RBM38: variants seen among roughly 807,000 people sequenced by gnomAD.
RBM38 encodes RNA-binding protein 38.
Under a neutral mutation model 23.5 loss-of-function variants are expected in RBM38, and 11 were observed. The ratio of observed to expected loss-of-function variants is 0.47; its 90% CI spans 0.29 to 0.77. RBM38 has a LOEUF of 0.77. Among genes scored for constraint, RBM38 ranks in the 30% least tolerant of loss-of-function variants. RBM38 has a pLI of 0.08. For synonymous variants in RBM38, 165 were observed against 166.1 expected (o/e 0.99, Z 0.05); for missense variants, 330 against 351.9 (o/e 0.94, Z 0.50).
chr20:57,399,830 C>G (rs2180357), intron 3 of RBM38: 9 of 454,816 alleles, frequency 2.0e-5, no homozygotes, highest in African/African-American at 1.8e-4. Context: ...AGTCAGAACC[C>G]TAAGAGCTGC....
chr20:57,403,033 A>G (rs1392467399), intron 3 of RBM38, among the ~76,000 whole-genome samples: 3 of 152,186 alleles, frequency 2.0e-5, no homozygotes, highest in Admixed American at 2.0e-4. Flanking sequence ...TGAGCATTGT[A>G]GGAAGCGGTC....
intron 2 of RBM38, 59 bp from the exon 3 acceptor site, chr20:57,393,220 A>T: frequency 6.6e-7 from 1 of 1,518,524 alleles, no homozygotes; most frequent in Non-Finnish European, 9.1e-7. Flanking sequence ...CCCTGTGTGC[A>T]GCCCTTGAGA....
Position 57,391,553 on chromosome 20 carries a change from C to T in RBM38, c.-29C>T. 5.2e-6 allele frequency: 5 copies of T among 968,712 alleles called. No individual in the cohort carries two copies. The highest frequency in any genetic ancestry group is 3.8e-6 in the Non-Finnish European group (3 of 788,964). The allele number at this position is 968,712 out of a possible 1,614,324, so 60.0% of individuals were successfully genotyped here. ...CCCCATGAGCGCAGCCCCGCGCGGC[C>T]CGGGTCCGTAGGCGGCGGGGCGCCC... is the stretch of plus-strand genomic sequence containing the variant. On this transcript the variant is annotated 5_prime_UTR_variant, in exon 1 of 4. Coordinates refer to ENST00000356208, the MANE Select transcript of RBM38 (RefSeq NM_017495.6).
At position 57,408,163 on chromosome 20, in the gene RBM38, C is replaced by T; in HGVS notation, c.*317C>T. On this transcript the variant is annotated 3_prime_UTR_variant, in exon 4 of 4. Transcript: ENST00000356208. ...CTCCTGCCTCTCCACACTCCAGGTT[C>T]CCTCAGGCTTGTGTCCCCACTGCTG... 3 of 452,014 alleles carry T rather than the reference C, an allele frequency of 6.6e-6. No individual in the cohort carries two copies. Among genetic ancestry groups the T allele is most frequent in the Non-Finnish European group, 1.2e-5 (3 of 244,218 alleles). The allele number at this position is 452,014 out of a possible 1,614,324, so 28.0% of individuals were successfully genotyped here.
chr20:57,392,963 C>A, intron 2 of RBM38, 186 bp downstream of exon 2: 2 of 845,374 alleles, frequency 2.4e-6, no homozygotes, highest in Non-Finnish European at 3.6e-6. Flanking sequence ...CAGCGTGTGG[C>A]CCAAAGAAGG....
chr20:57,395,762 TGG>T (rs1568807219), intron 3 of RBM38, among the ~76,000 whole-genome samples: 6 of 141,732 alleles, frequency 4.2e-5, no homozygotes, highest in Admixed American at 1.3e-4. Flanking sequence ...CTGACGGAGC[TGG>T]AGAGCTGGGC....
intron 3 of RBM38, among the ~76,000 whole-genome samples, chr20:57,404,767 A>G (rs1237040409): frequency 6.6e-6 from 1 of 152,260 alleles, no homozygotes; most frequent in African/African-American, 2.4e-5. Flanking sequence ...CGGGCAGCGT[A>G]GCGAGGTGAG....
chr20:57,393,940 C>T (rs1303867097), intron 3 of RBM38, among the ~76,000 whole-genome samples: 1 of 152,124 alleles, frequency 6.6e-6, no homozygotes, highest in Non-Finnish European at 1.5e-5. Context: ...CCTCCCACCT[C>T]CCTGCCCTTT....
chr20:57,397,446 G>A (rs2146207711), intron 3 of RBM38, among the ~76,000 whole-genome samples: 1 of 152,324 alleles, frequency 6.6e-6, no homozygotes, highest in East Asian at 1.9e-4. Flanking sequence ...GACTGATGAT[G>A]ACCGTGAGAC....
rs1413935206 is a variant in RBM38 at position 57,391,601 on chromosome 20, C to T, written c.20C>T (p.Pro7Leu). 1 of 1,383,896 alleles carries T rather than the reference C, an allele frequency of 7.2e-7. No individual in the cohort carries two copies. Among genetic ancestry groups the T allele is most frequent in the Non-Finnish European group, 9.5e-7 (1 of 1,056,798 alleles). The allele number at this position is 1,383,896 out of a possible 1,614,324, so 85.7% of individuals were successfully genotyped here. A position where few individuals can be genotyped will look rare whatever the true frequency, so the allele number is the denominator to read the frequency against. The change falls in exon 1 of 4, where the codon CCG (proline) becomes CTG (leucine). Residue 7 changes from proline to leucine, a missense_variant. Physicochemically the swap from Pro to Leu is moderately conservative, Grantham distance 98. Coordinates refer to ENST00000356208, the MANE Select transcript of RBM38 (RefSeq NM_017495.6). MLLQPA[P>L]CAPSAGFPRP... ...CCCCCCATGCTGCTGCAGCCCGCGC[C>T]GTGCGCCCCGAGCGCGGGCTTCCCG...
chr20:57,403,266 G>A (rs1002511214), intron 3 of RBM38, among the ~76,000 whole-genome samples: 5 of 152,216 alleles, frequency 3.3e-5, no homozygotes, highest in African/African-American at 9.6e-5. Flanking sequence ...TGAGGAAACT[G>A]CGCCTTGGAA....
intron 3 of RBM38, among the ~76,000 whole-genome samples, chr20:57,403,176 T>G (rs891240414): frequency 2.0e-5 from 3 of 152,214 alleles, no homozygotes; most frequent in Non-Finnish European, 1.5e-5. Context: ...TTGTCCTGGT[T>G]GGGAATCGCT....
intron 3 of RBM38, among the ~76,000 whole-genome samples, chr20:57,396,647 A>AC (rs1035215534): frequency 3.9e-5 from 6 of 152,266 alleles, no homozygotes; most frequent in African/African-American, 1.4e-4. Context: ...ACATTATAGA[A>AC]CGTTTGAAGG....
At chr20:57,394,253 T>C (rs2067251598) in intron 3 of RBM38, among the ~76,000 whole-genome samples, 1 of 151,440 alleles carries the variant, frequency 6.6e-6, no homozygotes, top group African/African-American at 2.4e-5. Flanking sequence ...GAGACACAGC[T>C]TGAGGAGTAA....
Position 57,391,635 on chromosome 20 carries a change from G to C in RBM38, c.54G>C (p.Leu18=), listed in dbSNP as rs903413147. 12 of 1,460,062 alleles carry C rather than the reference G, an allele frequency of 8.2e-6. No homozygotes were observed. The highest frequency in any genetic ancestry group is 1.0e-5 in the Non-Finnish European group (11 of 1,097,980). The allele number at this position is 1,460,062 out of a possible 1,614,324, so 90.4% of individuals were successfully genotyped here. The change falls in exon 1 of 4, where the codon CTG becomes CTC. Residue 18 remains leucine, a synonymous_variant. Transcript: ENST00000356208. ...CAPSAGFPRP[L]AAPGAMHGSQ... ...CGAGCGCGGGCTTCCCGCGGCCCCTGGCCGCCCCCGGCGCCATGCACGGCT... is the reference window on the plus strand; with the variant it reads ...CGAGCGCGGGCTTCCCGCGGCCCCTCGCCGCCCCCGGCGCCATGCACGGCT...
Position 57,394,525 on chromosome 20 carries a change from C to G in RBM38, c.416+1192C>G, listed in dbSNP as rs188020427. On this transcript the variant is annotated intron_variant, in intron 3 of 3. Transcript: ENST00000356208. ...GTGCTGGAGGGTGGCCGGGGCCCTT[C>G]TAGCCTGTGCGAGTGGCCGGGCAGC... Among the ~76,000 whole-genome samples the G allele has an allele frequency of 1.5e-3, 227 of 152,258 alleles. 1 individual carries two copies. Among genetic ancestry groups the G allele is most frequent in the Non-Finnish European group, 1.7e-3 (113 of 68,004 alleles).
intron 3 of RBM38, among the ~76,000 whole-genome samples, chr20:57,396,400 G>T (rs2067275298): frequency 1.3e-5 from 2 of 152,238 alleles, no homozygotes; most frequent in African/African-American, 4.8e-5. Context: ...TCTGGAGAGG[G>T]TCTGTGTCCA....
At chr20:57,404,223 C>T (rs544227211) in intron 3 of RBM38, among the ~76,000 whole-genome samples, 5 of 152,352 alleles carry the variant, frequency 3.3e-5, no homozygotes, top group East Asian at 1.9e-4. Flanking sequence ...CACTTGTGTT[C>T]TGTGTCCCTG....
At position 57,391,543 on chromosome 20, in the gene RBM38, C is replaced by T. The variant is rs1175674083; in HGVS notation, c.-39C>T. 3 of 820,164 alleles carry T rather than the reference C, an allele frequency of 3.7e-6. No individual in the cohort carries two copies. Among genetic ancestry groups the T allele is most frequent in the Non-Finnish European group, 4.5e-6 (3 of 666,502 alleles). The allele number at this position is 820,164 out of a possible 1,614,324, so 50.8% of individuals were successfully genotyped here. The stretch of plus-strand genomic sequence containing the variant: ...CCCCGCCGCCCCCCATGAGCGCAGC[C>T]CCGCGCGGCCCGGGTCCGTAGGCGG... On this transcript the variant is annotated 5_prime_UTR_variant, in exon 1 of 4. Transcript: ENST00000356208.
Sources: gnomAD v4.1 joint callset for allele counts (sites outside exome capture counted in the v4.1 genomes callset) on GRCh38, gnomAD v4.1.1 for gene constraint, MANE v1.5 for transcripts, NCBI Gene and HGNC (gene_info 2026-07-23, HGNC 2026-07-21) for gene names.